The following CAT variants were observed in gnomAD, a reference collection of about 807,000 sequenced individuals.
CAT encodes the protein epididymis secretory sperm binding protein.
Under a neutral mutation model 59.0 loss-of-function variants are expected in CAT, and 43 were observed. That is an observed-to-expected ratio of 0.73 (90% CI 0.57 to 0.94). CAT has a LOEUF of 0.94. CAT is among the 40% of genes least tolerant of loss of function. CAT has a pLI of 0.00. For synonymous variants in CAT, 218 were observed against 230.9 expected (o/e 0.94, Z 0.51); for missense variants, 664 against 682.9 (o/e 0.97, Z 0.31).
chr11:34,449,667 C>T (rs1335156599), intron 2 of CAT, among the ~76,000 whole-genome samples: 3 of 152,142 alleles, frequency 2.0e-5, no homozygotes, highest in Non-Finnish European at 2.9e-5. Flanking sequence ...TGACTTTAAA[C>T]GACATGTAAT....
intron 6 of CAT, 89 bp downstream of exon 6, chr11:34,454,015 C>A (rs1484784467): frequency 1.3e-5 from 18 of 1,421,224 alleles, no homozygotes; most frequent in Non-Finnish European, 1.8e-5. Context: ...ATTAAGGCTT[C>A]TCCCACTTTT....
chr11:34,452,988 G>A (rs1249262224), intron 4 of CAT, 102 bp from the exon 5 acceptor site: 1 of 768,094 alleles, frequency 1.3e-6, no homozygotes, highest in African/African-American at 1.7e-5. Flanking sequence ...ATTGTATTTA[G>A]AATTATAATC....
chr11:34,455,531 TAAA>T (rs200317429), intron 6 of CAT, among the ~76,000 whole-genome samples: 3 of 132,792 alleles, frequency 2.3e-5, no homozygotes, highest in Non-Finnish European at 3.3e-5. Context: ...TATGATTTAT[TAAA>T]AAAAAAAAAA....
At chr11:34,464,299 A>G (rs1554938349) in intron 10 of CAT, 64 bp downstream of exon 10, 2 of 1,484,992 alleles carry the variant, frequency 1.3e-6, no homozygotes, top group South Asian at 1.1e-5. Context: ...ATGCCTGCAT[A>G]ATCCCCCTCC....
chr11:34,457,503 G>T (rs564828567), intron 8 of CAT, among the ~76,000 whole-genome samples: 42 of 152,212 alleles, frequency 2.8e-4, no homozygotes, highest in Admixed American at 1.3e-4. Flanking sequence ...ACCGTGGCTG[G>T]CCTCATTTTC....
intron 1 of CAT, among the ~76,000 whole-genome samples, chr11:34,442,795 G>A (rs1482005502): frequency 6.6e-6 from 1 of 151,984 alleles, no homozygotes; most frequent in Non-Finnish European, 1.5e-5. Context: ...CGTGGAGAAG[G>A]GTATATGAGT....
At chr11:34,467,365 T>G (rs1159872846) in intron 10 of CAT, among the ~76,000 whole-genome samples, 1 of 152,196 alleles carries the variant, frequency 6.6e-6, no homozygotes, top group Non-Finnish European at 1.5e-5. Flanking sequence ...AGTACTTTGA[T>G]TAGATTGTGT....
chr11:34,439,767 A>G (rs976426956), intron 1 of CAT, among the ~76,000 whole-genome samples: 3 of 152,174 alleles, frequency 2.0e-5, no homozygotes, highest in Non-Finnish European at 1.5e-5. Context: ...TGCGGCAAGA[A>G]CAACACCCTT....
intron 9 of CAT, among the ~76,000 whole-genome samples, chr11:34,463,046 A>G (rs1856668321): frequency 6.6e-6 from 1 of 152,164 alleles, no homozygotes; most frequent in Non-Finnish European, 1.5e-5. Flanking sequence ...TGAATGTCAT[A>G]CATAGGCACC....
At position 34,456,166 on chromosome 11, in the gene CAT, A is replaced by G; in HGVS notation, c.867A>G (p.Ala289=). ...FYIQVMTFNQ[A]ETFPFNPFDL... is the part of the protein sequence containing the mutation. ...TCCAGGTCATGACATTTAATCAGGC[A>G]GAAACTTTTCCATTTAATCCATTCG... The change falls in exon 7 of 13, where the codon GCA becomes GCG. Residue 289 remains alanine, a synonymous_variant. Transcript: ENST00000241052. The G allele has an allele frequency of 1.2e-6, 2 of 1,614,162 alleles. No homozygotes were observed. The highest frequency in any genetic ancestry group is 2.2e-5 in the South Asian group (2 of 91,084).
intron 10 of CAT, among the ~76,000 whole-genome samples, chr11:34,466,939 C>T (rs1436236784): frequency 1.3e-5 from 2 of 151,876 alleles, no homozygotes; most frequent in African/African-American, 2.4e-5. Flanking sequence ...GTTAACATGG[C>T]TGAAGAGAAG....
intron 1 of CAT, among the ~76,000 whole-genome samples, chr11:34,442,941 T>C (rs1856408764): frequency 1.3e-5 from 2 of 152,218 alleles, no homozygotes; most frequent in African/African-American, 4.8e-5. Flanking sequence ...GTACATTTCA[T>C]ATTTGGTGAA....
At chr11:34,457,698 A>T (rs190778603) in intron 8 of CAT, among the ~76,000 whole-genome samples, 1 of 152,330 alleles carries the variant, frequency 6.6e-6, no homozygotes, top group East Asian at 1.9e-4. Context: ...AGAGTGAAAA[A>T]TTGTACTTTG....
intron 6 of CAT, among the ~76,000 whole-genome samples, chr11:34,455,601 T>A (rs1387872104): frequency 2.0e-5 from 3 of 151,912 alleles, no homozygotes; most frequent in African/African-American, 7.3e-5. Context: ...AGTAATTGAT[T>A]TGAGCTGTCA....
intron 10 of CAT, among the ~76,000 whole-genome samples, chr11:34,466,080 G>A (rs1387201283): frequency 6.6e-6 from 1 of 152,218 alleles, no homozygotes; most frequent in Non-Finnish European, 1.5e-5. Context: ...AAGAAGCAGA[G>A]CCTCTAGTTA....
chr11:34,451,079 A>G lies in CAT; in HGVS notation c.330A>G (p.Ala110=). The G allele has an allele frequency of 1.2e-6, 2 of 1,609,694 alleles. 1 individual carries two copies. Among genetic ancestry groups the G allele is most frequent in the South Asian group, 2.2e-5 (2 of 90,992 alleles). ...FEHIGKKTPI[A]VRFSTVAGES... is the part of the protein sequence containing the mutation. ...ATATTGGAAAGAAGACTCCCATCGC[A>G]GTTCGGTTCTCCACTGTTGGTAAGT... Residue 110 remains alanine (A), a synonymous_variant, in exon 3 of 13, where the codon GCA becomes GCG. Coordinates refer to ENST00000241052, the MANE Select transcript of CAT (RefSeq NM_001752.4).
intron 8 of CAT, 75 bp from the exon 9 acceptor site, chr11:34,461,176 G>A: frequency 6.6e-7 from 1 of 1,507,734 alleles, no homozygotes; most frequent in Non-Finnish European, 9.2e-7. Flanking sequence ...TCAAATTTCA[G>A]AATGAAGTTT....
At chr11:34,442,364 G>T (rs950751207) in intron 1 of CAT, among the ~76,000 whole-genome samples, 1 of 152,196 alleles carries the variant, frequency 6.6e-6, no homozygotes, top group Non-Finnish European at 1.5e-5. Flanking sequence ...CACTTTGGGA[G>T]GCTGAGGTGG....
chr11:34,439,044 C>G lies in CAT; in HGVS notation c.31C>G (p.Gln11Glu). ...TGACAGCCGGGATCCCGCCAGCGAC[C>G]AGATGCAGCACTGGAAGGAGCAGCG... is the stretch of plus-strand genomic sequence containing the variant. Reference protein sequence around the residue: MADSRDPASDQMQHWKEQRAA... With the variant: MADSRDPASDEMQHWKEQRAA... The change falls in exon 1 of 13, where the codon CAG becomes GAG. Residue 11 changes from glutamine to glutamate, a missense_variant. Coordinates refer to ENST00000241052, the MANE Select transcript of CAT (RefSeq NM_001752.4). The G allele has an allele frequency of 2.5e-6, 4 of 1,599,904 alleles. No homozygotes were observed. The highest frequency in any genetic ancestry group is 2.2e-5 in the South Asian group (2 of 88,950).
Sources: gnomAD v4.1 joint callset for allele counts (sites outside exome capture counted in the v4.1 genomes callset) on GRCh38, gnomAD v4.1.1 for gene constraint, MANE v1.5 for transcripts, NCBI Gene and HGNC (gene_info 2026-07-23, HGNC 2026-07-21) for gene names.